The following FBN1 variants were observed in gnomAD, a reference collection of about 807,000 sequenced individuals.
FBN1 encodes the protein fibrillin-1.
Under a neutral mutation model 365.1 loss-of-function variants are expected in FBN1, and 29 were observed. The observed-to-expected ratio is 0.08, with a 90% CI of 0.06 to 0.11. The LOEUF (loss-of-function observed/expected upper bound fraction) is 0.11. Among genes scored for constraint, FBN1 ranks in the 10% least tolerant of loss-of-function variants. The pLI, the probability that FBN1 is intolerant of heterozygous loss-of-function variation, is 1.00. For missense variants in FBN1, 2,476 were observed against 3,703.2 expected (o/e 0.67, Z 8.60); for synonymous variants, 1,210 against 1,270.5 (o/e 0.95, Z 1.01).
intron 63 of FBN1, among the ~76,000 whole-genome samples, chr15:48,416,130 T>G (rs2042901877): frequency 6.6e-6 from 1 of 152,140 alleles, no homozygotes; most frequent in Admixed American, 6.5e-5. Context: ...ATGGGGCTGG[T>G]CCGTAGCTAA....
intron 6 of FBN1, among the ~76,000 whole-genome samples, chr15:48,557,764 T>C (rs934117119): frequency 3.9e-5 from 6 of 152,190 alleles, no homozygotes; most frequent in Admixed American, 3.9e-4. Flanking sequence ...TCTCTGAGCA[T>C]ACTTAGCTGT....
rs762783068 is a variant in FBN1 at position 48,425,421 on chromosome 15, C to T, written c.7401G>A (p.Gln2467=). ...FICKNTEGSY[Q]CSCPKGYILQ... ...GAATGTAGCCTTTCGGGCATGAACA[C>T]TGGTAACTCCCTTCTGTGTTTTTGC... is the stretch of plus-strand genomic sequence containing the variant. Residue 2467 remains glutamine, a synonymous_variant, in exon 60 of 66, where the codon CAG becomes CAA. Transcript: ENST00000316623. 2 of 1,614,074 alleles carry T rather than the reference C, an allele frequency of 1.2e-6. No homozygotes were observed. Among genetic ancestry groups the T allele is most frequent in the African/African-American group, 2.7e-5 (2 of 74,928 alleles).
rs142237905 is a variant in FBN1 at position 48,605,286 on chromosome 15, C to T, written c.347-5052G>A. Among the ~76,000 whole-genome samples, 242 of 152,212 alleles carry T rather than the reference C, an allele frequency of 1.6e-3. 1 individual carries two copies. Among genetic ancestry groups the T allele is most frequent in the African/African-American group, 5.7e-3 (235 of 41,540 alleles). On this transcript the variant is annotated intron_variant, in intron 4 of 65. Transcript: ENST00000316623. ...AAAGAATAAGTAAATAAAAATAAAACTATGAAACCATCAGAAAAAAGTTGG... is the reference window on the plus strand; with the variant it reads ...AAAGAATAAGTAAATAAAAATAAAATTATGAAACCATCAGAAAAAAGTTGG...
intron 10 of FBN1, among the ~76,000 whole-genome samples, chr15:48,516,845 G>C (rs932502109): frequency 3.3e-5 from 5 of 152,222 alleles, no homozygotes; most frequent in African/African-American, 1.2e-4. Context: ...GGGGAGGCAA[G>C]GCTGTTGCAG....
chr15:48,415,853 A>C lies in FBN1; in HGVS notation c.7820-86T>G. The C allele has an allele frequency of 2.6e-6, 3 of 1,148,874 alleles. No individual in the cohort carries two copies. In the Admixed American group the frequency reaches 5.3e-5, roughly 20 times the overall value. The allele number at this position is 1,148,874 out of a possible 1,614,324, so 71.2% of individuals were successfully genotyped here. On this transcript the variant is annotated intron_variant, in intron 63 of 65. Transcript: ENST00000316623. Reference sequence around the variant, plus strand: ...TGGATCTGGCCACTTGCTGCCGGCCAGCTGGCCCTCAGCTAGGCTCTCAGG... The same window carrying C: ...TGGATCTGGCCACTTGCTGCCGGCCCGCTGGCCCTCAGCTAGGCTCTCAGG...
intron 11 of FBN1, 78 bp from the exon 12 acceptor site, chr15:48,515,605 C>T: frequency 6.4e-7 from 1 of 1,566,850 alleles, no homozygotes; most frequent in South Asian, 1.1e-5. Flanking sequence ...CAATAATGAA[C>T]AAGATGTTGA....
chr15:48,604,982 G>A (rs2044595251), intron 4 of FBN1, among the ~76,000 whole-genome samples: 1 of 152,294 alleles, frequency 6.6e-6, no homozygotes, highest in South Asian at 2.1e-4. Flanking sequence ...GTGTCCGAGA[G>A]GTTTTGTCTG....
At chr15:48,468,616 A>G in intron 36 of FBN1, 82 bp from the exon 37 acceptor site, 1 of 1,470,362 alleles carries the variant, frequency 6.8e-7, no homozygotes, top group Non-Finnish European at 9.5e-7. Context: ...GGCCCAATCT[A>G]GAGCTCCAAA....
At chr15:48,436,606 G>A (rs1018357802) in intron 53 of FBN1, among the ~76,000 whole-genome samples, 3 of 152,120 alleles carry the variant, frequency 2.0e-5, no homozygotes, top group Admixed American at 6.6e-5. Context: ...TTTGATAAGG[G>A]AATAAGATTA....
chr15:48,435,742 GTA>G lies in FBN1; in HGVS notation c.6497-1031_6497-1030del, dbSNP rs374142157. Among the ~76,000 whole-genome samples the G allele has an allele frequency of 1.0e-4, 12 of 120,146 alleles. No individual in the cohort carries two copies. The South Asian group carries it at 3.6e-3, about 36-fold the overall frequency. 78.8% of individuals were successfully genotyped at this position (120,146 alleles called of 152,430 possible). ...TATATATATGTGTATATATATGTGT[GTA>G]TATATATGTGTGTATATATATGTGT... On this transcript the variant is annotated intron_variant, in intron 53 of 65. Coordinates refer to ENST00000316623, the MANE Select transcript of FBN1 (RefSeq NM_000138.5).
intron 53 of FBN1, among the ~76,000 whole-genome samples, chr15:48,436,277 A>G (rs551794556): frequency 1.3e-5 from 2 of 152,230 alleles, no homozygotes; most frequent in Non-Finnish European, 2.9e-5. Flanking sequence ...AAAACTGCTT[A>G]AACTCCCACA....
chr15:48,608,231 C>T (rs551426641), intron 4 of FBN1, among the ~76,000 whole-genome samples: 1 of 152,168 alleles, frequency 6.6e-6, no homozygotes, highest in African/African-American at 2.4e-5. Flanking sequence ...AGTGGGAAAA[C>T]TAAGCCTCTC....
At chr15:48,503,413 T>C (rs761236546) in intron 17 of FBN1, among the ~76,000 whole-genome samples, 1 of 151,554 alleles carries the variant, frequency 6.6e-6, no homozygotes, top group African/African-American at 2.4e-5. Flanking sequence ...CTAGTGGAAA[T>C]AGTCAAGTAA....
intron 6 of FBN1, among the ~76,000 whole-genome samples, chr15:48,551,268 T>C (rs1022468350): frequency 6.6e-6 from 1 of 152,146 alleles, no homozygotes; most frequent in African/African-American, 2.4e-5. Flanking sequence ...CTCCCACACA[T>C]ACCATGGGTA....
rs372584461 is a variant in FBN1 at position 48,621,984 on chromosome 15, C to T, written c.165-8892G>A. Among the ~76,000 whole-genome samples the T allele has an allele frequency of 3.8e-4, 56 of 148,026 alleles. 1 individual carries two copies. The East Asian group carries it at 6.5e-3, about 17-fold the overall frequency. ...CTGCACTTCAGCCTGGGTGACAGAG[C>T]GAGACTCTGTCTCAAAAAAAAAAAA... On this transcript the variant is annotated intron_variant, in intron 2 of 65. Coordinates refer to ENST00000316623, the MANE Select transcript of FBN1 (RefSeq NM_000138.5).
intron 6 of FBN1, among the ~76,000 whole-genome samples, chr15:48,568,792 T>C (rs2044281212): frequency 6.6e-6 from 1 of 152,062 alleles, no homozygotes; most frequent in South Asian, 2.1e-4. Context: ...TATGGATATG[T>C]ACATGCAAAA....
At chr15:48,623,707 TC>T (rs1889814208) in intron 2 of FBN1, among the ~76,000 whole-genome samples, 1 of 152,190 alleles carries the variant, frequency 6.6e-6, no homozygotes, top group African/African-American at 2.4e-5. Flanking sequence ...TTGATAGGTC[TC>T]TTTGGATGTG....
intron 17 of FBN1, among the ~76,000 whole-genome samples, chr15:48,502,618 T>G (rs908363498): frequency 6.6e-6 from 1 of 152,218 alleles, no homozygotes; most frequent in African/African-American, 2.4e-5. Flanking sequence ...AAAATTGTGT[T>G]TAAATACTGG....
intron 13 of FBN1, among the ~76,000 whole-genome samples, chr15:48,510,923 T>C (rs2043753910): frequency 6.6e-6 from 1 of 152,226 alleles, no homozygotes; most frequent in Non-Finnish European, 1.5e-5. Context: ...GGATTATCTG[T>C]TTCTCTCAGT....
Sources: allele counts gnomAD v4.1 joint callset (sites outside exome capture counted in the v4.1 genomes callset), GRCh38; gene constraint gnomAD v4.1.1; transcripts MANE v1.5; gene names NCBI Gene and HGNC (gene_info 2026-07-23, HGNC 2026-07-21).